Variants in SLC7A11 observed in about 807,000 individuals in gnomAD.
SLC7A11 encodes solute carrier family 7 member 11.
In SLC7A11, 35 loss-of-function variants were observed where a neutral mutation model predicts 54.5. The observed-to-expected ratio is 0.64, with a 90% CI of 0.49 to 0.85. SLC7A11 has a LOEUF of 0.85. Ranked by LOEUF, SLC7A11 falls within the 40% of genes least tolerant of loss-of-function variation. The pLI, the probability that SLC7A11 is intolerant of heterozygous loss-of-function variation, is 0.00. For missense variants in SLC7A11, 583 were observed against 618.1 expected, an observed-to-expected ratio of 0.94 and a Z score of 0.60; for synonymous variants, 230 against 225.2, an observed-to-expected ratio of 1.02 and a Z score of -0.19.
At chr4:138,213,154 G>T (rs77063926) in intron 6 of SLC7A11, among the ~76,000 whole-genome samples, 1,833 of 152,090 alleles carry the variant, frequency 0.012, 46 homozygotes, top group African/African-American at 0.042. Context: ...CGCTTAGAAA[G>T]AACTAGCTCT....
At chr4:138,211,961 G>A (rs1372356614) in intron 6 of SLC7A11, among the ~76,000 whole-genome samples, 1 of 151,748 alleles carries the variant, frequency 6.6e-6, no homozygotes, top group Non-Finnish European at 1.5e-5. Flanking sequence ...AGTGTTCAGT[G>A]GCATAGTAAA....
chr4:138,191,114 A>G (rs1177532912), intron 6 of SLC7A11, among the ~76,000 whole-genome samples: 1 of 152,192 alleles, frequency 6.6e-6, no homozygotes, highest in Admixed American at 6.5e-5. Flanking sequence ...AAAACATTCA[A>G]TAAGCCTATT....
intron 6 of SLC7A11, among the ~76,000 whole-genome samples, chr4:138,198,315 T>C (rs1272030989): frequency 1.3e-5 from 2 of 152,066 alleles, no homozygotes; most frequent in African/African-American, 2.4e-5. Context: ...AATTGAGTAA[T>C]GTGAAAAACT....
At position 138,169,635 on chromosome 4, in the gene SLC7A11, T is replaced by C. The variant is rs1736357324; in HGVS notation, c.*2321A>G. The C allele has an allele frequency of 6.6e-6, 1 of 151,926 alleles. No homozygotes were observed. The highest frequency in any genetic ancestry group is 2.4e-5 in the African/African-American group (1 of 41,354). 9.4% of individuals were successfully genotyped at this position (151,926 alleles called of 1,614,324 possible). On this transcript the variant is annotated 3_prime_UTR_variant, in exon 12 of 12. Coordinates refer to ENST00000280612, the MANE Select transcript of SLC7A11 (RefSeq NM_014331.4). ...GGAAGAGCCAAGAACTACACAAACCTCTCTATGAGAATTTACCAGTCTTCT... is the reference window on the plus strand; with the variant it reads ...GGAAGAGCCAAGAACTACACAAACCCCTCTATGAGAATTTACCAGTCTTCT...
At chr4:138,224,688 T>G (rs1177540882) in intron 3 of SLC7A11, among the ~76,000 whole-genome samples, 4 of 151,958 alleles carry the variant, frequency 2.6e-5, no homozygotes, top group Non-Finnish European at 4.4e-5. Flanking sequence ...CCACTTAAAA[T>G]TATGAGGCAG....
chr4:138,180,550 G>T, intron 10 of SLC7A11, 91 bp downstream of exon 10: 2 of 1,316,738 alleles, frequency 1.5e-6, no homozygotes, highest in Non-Finnish European at 2.1e-6. Flanking sequence ...GCTGCCCCCA[G>T]CCCAACCTCC....
At chr4:138,180,938 T>A in intron 9 of SLC7A11, 148 bp from the exon 10 acceptor site, 1 of 751,044 alleles carries the variant, frequency 1.3e-6, no homozygotes. Context: ...ATTTGACTAA[T>A]CTCTTTTCTA....
intron 3 of SLC7A11, among the ~76,000 whole-genome samples, chr4:138,229,574 A>T (rs888355207): frequency 6.6e-6 from 1 of 152,216 alleles, no homozygotes; most frequent in African/African-American, 2.4e-5. Flanking sequence ...CTCCTTGTTA[A>T]CTATTCCGTC....
intron 6 of SLC7A11, among the ~76,000 whole-genome samples, chr4:138,214,372 A>C (rs1649649119): frequency 6.6e-6 from 1 of 151,316 alleles, no homozygotes; most frequent in African/African-American, 2.4e-5. Flanking sequence ...TAGACTATAT[A>C]ATTAAGCTAT....
At chr4:138,187,059 G>A (rs72712326) in intron 6 of SLC7A11, among the ~76,000 whole-genome samples, 3,208 of 152,186 alleles carry the variant, frequency 0.021, 55 homozygotes, top group Non-Finnish European at 0.03. Context: ...CAGAGAGTAC[G>A]GTCACATCAC....
intron 11 of SLC7A11, chr4:138,176,595 T>G (rs569959364): frequency 6.6e-6 from 1 of 151,942 alleles, no homozygotes; most frequent in South Asian, 2.1e-4. Flanking sequence ...ACTATTAGAG[T>G]TGGCTGACTC....
chr4:138,200,944 T>C (rs1410418832), intron 6 of SLC7A11, among the ~76,000 whole-genome samples: 1 of 152,088 alleles, frequency 6.6e-6, no homozygotes, highest in African/African-American at 2.4e-5. Flanking sequence ...TCCTTTGCTA[T>C]CTATCTCTTA....
chr4:138,185,215 A>G lies in SLC7A11; in HGVS notation c.821T>C (p.Met274Thr). 6.2e-7 allele frequency: 1 copy of G among 1,612,874 alleles called. No homozygotes were observed. The highest frequency in any genetic ancestry group is 8.5e-7 in the Non-Finnish European group (1 of 1,179,094). The part of the protein sequence containing the change: ...KTIPLAICIS[M>T]AIVTIGYVLT... ...CACATAGCCAATGGTGACAATGGCC[A>G]TGGATATACATATTGCAAGGGGAAT... The change falls in exon 7 of 12, where the codon ATG becomes ACG. Residue 274 changes from methionine to threonine, a missense_variant. Transcript: ENST00000280612.
chr4:138,194,043 G>A (rs988294238), intron 6 of SLC7A11, among the ~76,000 whole-genome samples: 2 of 152,124 alleles, frequency 1.3e-5, no homozygotes, highest in African/African-American at 2.4e-5. Flanking sequence ...TAGTTAAAGT[G>A]GTAAATCCAC....
rs754170778 is a variant in SLC7A11, at chr4:138,166,788, A to C, written c.*5168T>G. The C allele has an allele frequency of 6.6e-6, 1 of 152,256 alleles. No homozygotes were observed. Among genetic ancestry groups the C allele is most frequent in the Non-Finnish European group, 1.5e-5 (1 of 68,042 alleles). 9.4% of individuals were successfully genotyped at this position (152,256 alleles called of 1,614,324 possible). A position where few individuals can be genotyped will look rare whatever the true frequency, so the allele number is the denominator to read the frequency against. Reference sequence around the variant, plus strand: ...TGTGTATTTTAAGGCCAATAGTAACAGAGAGGAGGGAAAAAAATAACTACC... The same window carrying C: ...TGTGTATTTTAAGGCCAATAGTAACCGAGAGGAGGGAAAAAAATAACTACC... On this transcript the variant is annotated 3_prime_UTR_variant, in exon 12 of 12. Transcript: ENST00000280612.
At chr4:138,183,359 A>G in intron 7 of SLC7A11, 54 bp from the exon 8 acceptor site, 1 of 1,247,900 alleles carries the variant, frequency 8.0e-7, no homozygotes. Context: ...GTGGAATAAA[A>G]TGAAACAATT....
At chr4:138,230,109 C>A (rs1449712003) in intron 3 of SLC7A11, among the ~76,000 whole-genome samples, 1 of 152,034 alleles carries the variant, frequency 6.6e-6, no homozygotes, top group African/African-American at 2.4e-5. Flanking sequence ...ATGTCTTCTG[C>A]GGGAACATGG....
intron 6 of SLC7A11, among the ~76,000 whole-genome samples, chr4:138,190,649 A>C (rs1169827512): frequency 6.6e-6 from 1 of 152,190 alleles, no homozygotes; most frequent in Non-Finnish European, 1.5e-5. Flanking sequence ...AGACAAAAAA[A>C]GTAAATGAGT....
intron 4 of SLC7A11, among the ~76,000 whole-genome samples, chr4:138,219,941 C>CTTTTTTTTT (rs5862370): frequency 7.0e-6 from 1 of 143,524 alleles, no homozygotes. Flanking sequence ...GCAAGCCTTT[C>CTTTTTTTTT]TTTTTTTATT....
Sources: allele counts gnomAD v4.1 joint callset (sites outside exome capture counted in the v4.1 genomes callset), GRCh38; gene constraint gnomAD v4.1.1; transcripts MANE v1.5; gene names NCBI Gene and HGNC (gene_info 2026-07-23, HGNC 2026-07-21).